Variants in ALDH9A1 observed in about 807,000 individuals in gnomAD.
ALDH9A1 encodes the protein aldehyde dehydrogenase 9 family member A1.
In ALDH9A1, 42 loss-of-function variants were observed where a neutral mutation model predicts 56.6. The ratio of observed to expected loss-of-function variants is 0.74; its 90% CI spans 0.58 to 0.96. The LOEUF is 0.96. Ranked by LOEUF, ALDH9A1 falls within the 40% of genes least tolerant of loss-of-function variation. The probability of loss-of-function intolerance (pLI) is 0.00; values close to 1 mark genes in which losing one functional copy is unlikely to be tolerated. For missense variants in ALDH9A1, 661 were observed against 651.5 expected (o/e 1.01, Z -0.16); for synonymous variants, 242 against 236.0 (o/e 1.03, Z -0.23).
rs770851672 is a variant in ALDH9A1, at chr1:165,698,387, G to C, written c.172C>G (p.Pro58Ala). Reference sequence around the variant, plus strand: ...GGCTCGTTGCAGTTACCGGTTGCTGGCTCGAAAGCTTTCTCGGTACCGGAG... The same window carrying C: ...GGCTCGTTGCAGTTACCGGTTGCTGCCTCGAAAGCTTTCTCGGTACCGGAG... Reference protein sequence around the residue: ...DASGTEKAFEPATGRVIATFT... With the variant: ...DASGTEKAFEAATGRVIATFT... Residue 58 changes from proline to alanine, a missense_variant, in exon 1 of 11, where the codon CCA becomes GCA. Physicochemically the swap from Pro to Ala is conservative, Grantham distance 27. Transcript: ENST00000354775. 6.3e-7 allele frequency: 1 copy of C among 1,592,070 alleles called. No individual in the cohort carries two copies. Among genetic ancestry groups the C allele is most frequent in the East Asian group, 2.3e-5 (1 of 44,334 alleles).
At chr1:165,663,903 C>T (rs989941792) in intron 10 of ALDH9A1, among the ~76,000 whole-genome samples, 1 of 152,222 alleles carries the variant, frequency 6.6e-6, no homozygotes, top group Admixed American at 6.5e-5. Flanking sequence ...TTGCTCTGCA[C>T]GTCTGGCCAT....
intron 4 of ALDH9A1, 63 bp from the exon 5 acceptor site, chr1:165,680,746 G>T: frequency 7.1e-7 from 1 of 1,416,004 alleles, no homozygotes; most frequent in Non-Finnish European, 9.6e-7. Flanking sequence ...CCTGAAAACA[G>T]GACTAGAGGA....
At chr1:165,678,329 G>A (rs867152882) in intron 6 of ALDH9A1, among the ~76,000 whole-genome samples, 12 of 152,014 alleles carry the variant, frequency 7.9e-5, no homozygotes, top group Non-Finnish European at 1.5e-4. Context: ...GCTAGACTCC[G>A]TCTCAAAAAA....
Position 165,695,354 on chromosome 1 carries a change from T to C in ALDH9A1, c.225A>G (p.Val75=). ...CCTTTGCATTTTGAACAGCCAAATTTACTTCCTTTTCTCCTGAACATGTGA... is the reference window on the plus strand; with the variant it reads ...CCTTTGCATTTTGAACAGCCAAATTCACTTCCTTTTCTCCTGAACATGTGA... ...ATFTCSGEKE[V]NLAVQNAKAA... Residue 75 remains valine, a synonymous_variant, in exon 2 of 11, where the codon GTA becomes GTG. Transcript: ENST00000354775. 6.2e-7 allele frequency: 1 copy of C among 1,613,544 alleles called. No individual in the cohort carries two copies. Among genetic ancestry groups the C allele is most frequent in the Non-Finnish European group, 8.5e-7 (1 of 1,179,726 alleles).
chr1:165,680,637 T>C lies in ALDH9A1; in HGVS notation c.639A>G (p.Ala213=), dbSNP rs1649520594. 1 of 1,613,958 alleles carries C rather than the reference T, an allele frequency of 6.2e-7. No individual in the cohort carries two copies. Among genetic ancestry groups the C allele is most frequent in the Non-Finnish European group, 8.5e-7 (1 of 1,179,948 alleles). Residue 213 remains alanine (A), a synonymous_variant, in exon 5 of 11, where the codon GCA becomes GCG. Transcript: ENST00000354775. ...FKPSPFTPVS[A]LLLAEIYSEA... is the part of the protein sequence containing the mutation. ...CACTGTAGATTTCAGCCAGTAGCAATGCAGAAACAGGTGTAAAGGGAGAAG... is the reference window on the plus strand; with the variant it reads ...CACTGTAGATTTCAGCCAGTAGCAACGCAGAAACAGGTGTAAAGGGAGAAG...
In ALDH9A1 at chr1:165,698,510, G is replaced by C; in HGVS notation, c.49C>G (p.Leu17Val). The C allele has an allele frequency of 1.2e-6, 2 of 1,610,978 alleles. No homozygotes were observed. Among genetic ancestry groups the C allele is most frequent in the East Asian group, 4.5e-5 (2 of 44,734 alleles). The part of the protein sequence containing the change: ...LAALSPLLRS[L>V]RPSPVAAMST... ...ATGGCGGCGACAGGAGAGGGCCGAA[G>C]ACTGCGAAGAAGCGGGGAGAGCGCG... The change falls in exon 1 of 11, where the codon CTT (leucine) becomes GTT (valine). Residue 17 changes from leucine (L) to valine (V), a missense_variant. Physicochemically the swap from Leu to Val is conservative, Grantham distance 32. Transcript: ENST00000354775.
intron 4 of ALDH9A1, among the ~76,000 whole-genome samples, chr1:165,681,215 T>C (rs1649542319): frequency 6.6e-6 from 1 of 152,202 alleles, no homozygotes; most frequent in African/African-American, 2.4e-5. Flanking sequence ...CATCTTGGTT[T>C]CTCTCATTAA....
chr1:165,669,354 C>T lies in ALDH9A1; in HGVS notation c.1027G>A (p.Asp343Asn). 6.2e-7 allele frequency: 1 copy of T among 1,613,986 alleles called. No homozygotes were observed. Among genetic ancestry groups the T allele is most frequent in the African/African-American group, 1.3e-5 (1 of 75,012 alleles). ...ATCCTTGTATCTTCCAGAAGGGGAT[C>T]TCCAATTTTAATCCTTTGGGTCTGT... ...VKQTQRIKIG[D>N]PLLEDTRMGP... Residue 343 changes from aspartate (D) to asparagine (N), a missense_variant, in exon 7 of 11, where the codon GAT (aspartate) becomes AAT (asparagine). Transcript: ENST00000354775.
At chr1:165,690,133 T>C (rs1649842149) in intron 2 of ALDH9A1, among the ~76,000 whole-genome samples, 1 of 121,636 alleles carries the variant, frequency 8.2e-6, no homozygotes, top group South Asian at 2.8e-4. Context: ...ATGTATATTA[T>C]ATAGATTATA....
intron 6 of ALDH9A1, among the ~76,000 whole-genome samples, chr1:165,674,386 C>A (rs1649280008): frequency 7.0e-6 from 1 of 143,792 alleles, no homozygotes; most frequent in African/African-American, 2.5e-5. Context: ...GATAGGGGCT[C>A]TTTAAAAAAT....
At position 165,662,647 on chromosome 1, in the gene ALDH9A1, G is replaced by A. The variant is rs1571162321; in HGVS notation, c.*403C>T. ...GAACAAAGAAATCTACAAACTGGTT[G>A]TGATCAATTAGTTGTAAATACCACT... On this transcript the variant is annotated 3_prime_UTR_variant, in exon 11 of 11. Transcript: ENST00000354775. 3 of 160,354 alleles carry A rather than the reference G, an allele frequency of 1.9e-5. No homozygotes were observed. Among genetic ancestry groups the A allele is most frequent in the Admixed American group, 6.2e-5 (1 of 16,004 alleles). 9.9% of individuals were successfully genotyped at this position (160,354 alleles called of 1,614,324 possible).
intron 6 of ALDH9A1, chr1:165,671,777 AC>A: frequency 3.7e-6 from 1 of 272,660 alleles, no homozygotes. Flanking sequence ...TAACTAACAA[AC>A]AAAAAAAAAA....
chr1:165,682,747 C>T, intron 3 of ALDH9A1: 1 of 459,368 alleles, frequency 2.2e-6, no homozygotes, highest in East Asian at 3.5e-5. Flanking sequence ...AGGTATCATG[C>T]TAGGTGCTTT....
rs576293344 is a variant in ALDH9A1 at position 165,686,225 on chromosome 1, C to T, written c.328-3115G>A. 2.0e-5 allele frequency among the ~76,000 whole-genome samples: 3 copies of T among 152,246 alleles called. No homozygotes were observed. In the East Asian group the frequency reaches 5.8e-4, roughly 29 times the overall value. On this transcript the variant is annotated intron_variant, in intron 2 of 10. Coordinates refer to ENST00000354775, the MANE Select transcript of ALDH9A1 (RefSeq NM_000696.4). ...AGGCAGTGGTCCCTGGAGGAGGGAA[C>T]CAATGAGGTGAGCCCTACAATTGCT...
At chr1:165,685,632 T>C (rs12033254) in intron 2 of ALDH9A1, among the ~76,000 whole-genome samples, 13,003 of 152,120 alleles carry the variant, frequency 0.085, 1,284 homozygotes, top group East Asian at 0.58. Context: ...AGTATACACA[T>C]GGTAAACGAG....
intron 2 of ALDH9A1, among the ~76,000 whole-genome samples, chr1:165,691,892 C>T (rs1361438233): frequency 6.6e-6 from 1 of 152,150 alleles, no homozygotes; most frequent in Non-Finnish European, 1.5e-5. Context: ...TGGCTTCATC[C>T]CTGGGATGCA....
chr1:165,668,993 A>C lies in ALDH9A1; in HGVS notation c.1140T>G (p.Gly380=), dbSNP rs753134574. The change falls in exon 8 of 11, where the codon GGT becomes GGG. Residue 380 remains glycine, a synonymous_variant. Coordinates refer to ENST00000354775, the MANE Select transcript of ALDH9A1 (RefSeq NM_000696.4). ...GATCTTCAGGTACATATATATCTCCACCACATAACACTTTAGCACCCTGCC... is the reference window on the plus strand; with the variant it reads ...GATCTTCAGGTACATATATATCTCCCCCACATAACACTTTAGCACCCTGCC... ...AKEQGAKVLC[G]GDIYVPEDPK... is the part of the protein sequence containing the mutation. The C allele has an allele frequency of 6.2e-7, 1 of 1,610,144 alleles. No homozygotes were observed. Among genetic ancestry groups the C allele is most frequent in the Admixed American group, 1.7e-5 (1 of 59,382 alleles).
chr1:165,698,034 A>G (rs1195696715), intron 1 of ALDH9A1, among the ~76,000 whole-genome samples: 1 of 151,986 alleles, frequency 6.6e-6, no homozygotes, highest in Non-Finnish European at 1.5e-5. Context: ...CTGTCTCAAA[A>G]CAAACAAAAA....
At chr1:165,671,951 A>G (rs1649191864) in intron 6 of ALDH9A1, among the ~76,000 whole-genome samples, 1 of 152,222 alleles carries the variant, frequency 6.6e-6, no homozygotes, top group Non-Finnish European at 1.5e-5. Context: ...AAGCAAGAAA[A>G]TAAGAAAATA....
Sources: allele counts gnomAD v4.1 joint callset (sites outside exome capture counted in the v4.1 genomes callset), GRCh38; gene constraint gnomAD v4.1.1; transcripts MANE v1.5; gene names NCBI Gene and HGNC (gene_info 2026-07-23, HGNC 2026-07-21).